ARHGAP32: variants seen among roughly 807,000 people sequenced by gnomAD.
The protein encoded by ARHGAP32 is rho GTPase-activating protein 32.
Under a neutral mutation model 186.5 loss-of-function variants are expected in ARHGAP32, and 51 were observed. That is an observed-to-expected ratio of 0.27 (90% confidence interval 0.22 to 0.35). The LOEUF (loss-of-function observed/expected upper bound fraction) is 0.35. ARHGAP32 is among the 10% of genes least tolerant of loss of function. The probability of loss-of-function intolerance (pLI) is 1.00; values close to 1 mark genes in which losing one functional copy is unlikely to be tolerated. For synonymous variants in ARHGAP32, 950 were observed against 964.3 expected, an observed-to-expected ratio of 0.99 and a Z score of 0.27; for missense variants, 2,186 against 2,623.5, an observed-to-expected ratio of 0.83 and a Z score of 3.64.
At chr11:129,252,986 G>C (rs1049786115) in intron 1 of ARHGAP32, among the ~76,000 whole-genome samples, 6 of 152,156 alleles carry the variant, frequency 3.9e-5, no homozygotes, top group African/African-American at 1.4e-4. Context: ...GTTAGGTTTT[G>C]GCCAAACAGA....
intron 2 of ARHGAP32, among the ~76,000 whole-genome samples, chr11:129,139,781 T>C (rs1025267776): frequency 1.3e-5 from 2 of 152,088 alleles, no homozygotes; most frequent in African/African-American, 2.4e-5. Flanking sequence ...CTCTTTTTCT[T>C]CCCAGTCTCG....
chr11:129,043,473 G>A (rs1278822525), intron 10 of ARHGAP32, among the ~76,000 whole-genome samples: 2 of 135,656 alleles, frequency 1.5e-5, no homozygotes, highest in African/African-American at 2.7e-5. Context: ...TGTAACCTCC[G>A]CCTCCCAGGT....
At chr11:129,156,897 T>C (rs1380546580) in intron 2 of ARHGAP32, among the ~76,000 whole-genome samples, 1 of 152,148 alleles carries the variant, frequency 6.6e-6, no homozygotes, top group Non-Finnish European at 1.5e-5. Flanking sequence ...CAGCAAACTT[T>C]GCTGTTCTGC....
intron 1 of ARHGAP32, among the ~76,000 whole-genome samples, chr11:129,211,666 C>T (rs543292943): frequency 1.3e-5 from 2 of 152,162 alleles, no homozygotes; most frequent in East Asian, 3.9e-4. Context: ...GTTCCCCTGC[C>T]CTCACACAGA....
intron 1 of ARHGAP32, among the ~76,000 whole-genome samples, chr11:129,271,421 T>C (rs1945471119): frequency 6.6e-6 from 1 of 152,046 alleles, no homozygotes; most frequent in Non-Finnish European, 1.5e-5. Context: ...AAGTGGTGGA[T>C]GATGATGCCA....
intron 1 of ARHGAP32, among the ~76,000 whole-genome samples, chr11:129,173,045 C>T (rs1591670667): frequency 6.9e-6 from 1 of 143,914 alleles, no homozygotes; most frequent in African/African-American, 2.6e-5. Context: ...AACAAACAAA[C>T]AAACAAACAA....
intron 2 of ARHGAP32, among the ~76,000 whole-genome samples, chr11:129,139,793 A>G (rs111583392): frequency 2.7e-3 from 411 of 152,288 alleles, no homozygotes; most frequent in African/African-American, 9.4e-3. Flanking sequence ...CCAGTCTCGA[A>G]TATGTCTTTA....
intron 1 of ARHGAP32, among the ~76,000 whole-genome samples, chr11:129,254,805 A>G (rs934758382): frequency 5.3e-5 from 8 of 152,122 alleles, no homozygotes; most frequent in Non-Finnish European, 7.4e-5. Flanking sequence ...TGAACTAGAT[A>G]TTTTACTACT....
At chr11:129,136,133 A>G (rs936035958) in intron 2 of ARHGAP32, among the ~76,000 whole-genome samples, 1 of 152,194 alleles carries the variant, frequency 6.6e-6, no homozygotes, top group Non-Finnish European at 1.5e-5. Flanking sequence ...CTAAAAAAAG[A>G]CAACCTAACA....
At chr11:129,153,743 G>A (rs1482711464) in intron 2 of ARHGAP32, among the ~76,000 whole-genome samples, 2 of 152,074 alleles carry the variant, frequency 1.3e-5, no homozygotes, top group Admixed American at 6.5e-5. Context: ...AGTCAAGATG[G>A]ATCAGACTTA....
intron 5 of ARHGAP32, among the ~76,000 whole-genome samples, chr11:129,119,105 C>G (rs1288419205): frequency 6.6e-6 from 1 of 151,990 alleles, no homozygotes; most frequent in African/African-American, 2.4e-5. Flanking sequence ...TCCACCTTAT[C>G]ACAACCTCAA....
intron 1 of ARHGAP32, among the ~76,000 whole-genome samples, chr11:129,228,062 G>A (rs1237658072): frequency 1.3e-5 from 2 of 152,070 alleles, no homozygotes; most frequent in Non-Finnish European, 2.9e-5. Context: ...CAAAATTAGA[G>A]ATTAATAACA....
rs1460777172 is a variant in ARHGAP32, at chr11:128,970,644, G to A, written c.4569C>T (p.Pro1523=). The part of the protein sequence containing the change: ...NCQYRPQSVP[P]HHNKLEQHQV... Reference sequence around the variant, plus strand: ...GGTGCTGCTCCAATTTATTGTGATGGGGAGGTACACTCTGGGGACGGTACT... The same window carrying A: ...GGTGCTGCTCCAATTTATTGTGATGAGGAGGTACACTCTGGGGACGGTACT... The change falls in exon 23 of 23, where the codon CCC becomes CCT. Residue 1523 remains proline, a synonymous_variant. Transcript: ENST00000682385. The surrounding 1 kb of genome is among the most constrained non-coding windows in gnomAD (Gnocchi z 5.8). 3 of 1,614,182 alleles carry A rather than the reference G, an allele frequency of 1.9e-6. No homozygotes were observed. Among genetic ancestry groups the A allele is most frequent in the Non-Finnish European group, 8.5e-7 (1 of 1,180,028 alleles).
At chr11:129,063,635 G>A (rs1032953300) in intron 9 of ARHGAP32, among the ~76,000 whole-genome samples, 1 of 148,340 alleles carries the variant, frequency 6.7e-6, no homozygotes, top group East Asian at 1.9e-4. Context: ...TTCAGGTTTT[G>A]GGGGGTATGT....
chr11:129,090,870 C>T (rs1941557357), intron 6 of ARHGAP32, among the ~76,000 whole-genome samples: 1 of 152,116 alleles, frequency 6.6e-6, no homozygotes. Flanking sequence ...TTTATATCTA[C>T]TGTGACATAT....
chr11:128,969,380 C>G lies in ARHGAP32; in HGVS notation c.5833G>C (p.Gly1945Arg), dbSNP rs749241740. ...TGGTTCAGTCTTAAAGATTCTTGCC[C>G]GGATGCAGCATATTTTACTCCAGAG... is the stretch of plus-strand genomic sequence containing the variant. ...HNSGVKYAAS[G>R]QESLRLNHKE... The change falls in exon 23 of 23, where the codon GGG becomes CGG. Residue 1945 changes from glycine (G) to arginine (R), a missense_variant. This residue lies in a region of ARHGAP32 where 1,502 missense variants were observed against 1,570.0 expected (regional missense o/e 0.96). Transcript: ENST00000682385. The surrounding 1 kb of genome is among the most constrained non-coding windows in gnomAD (Gnocchi z 4.8). The G allele has an allele frequency of 8.7e-6, 14 of 1,614,168 alleles. No homozygotes were observed. In the South Asian group the frequency reaches 1.4e-4, roughly 16 times the overall value.
chr11:129,024,564 A>G (rs1938747963), intron 11 of ARHGAP32, among the ~76,000 whole-genome samples: 3 of 152,242 alleles, frequency 2.0e-5, no homozygotes, highest in Admixed American at 6.5e-5. Flanking sequence ...TTCTACTAAC[A>G]CATTTTTTTA....
intron 11 of ARHGAP32, among the ~76,000 whole-genome samples, chr11:129,022,259 C>T (rs1395785304): frequency 6.6e-6 from 1 of 152,056 alleles, no homozygotes; most frequent in Non-Finnish European, 1.5e-5. Flanking sequence ...AAATTTTTGT[C>T]AGATTAAATT....
At chr11:129,041,771 A>G (rs1939602445) in intron 10 of ARHGAP32, among the ~76,000 whole-genome samples, 1 of 152,240 alleles carries the variant, frequency 6.6e-6, no homozygotes, top group Admixed American at 6.5e-5. Context: ...TGTATAGCCA[A>G]AAGGATAAAT....
Sources: allele counts gnomAD v4.1 joint callset (sites outside exome capture counted in the v4.1 genomes callset), GRCh38; gene constraint gnomAD v4.1.1; regional missense constraint gnomAD v4.1.1; non-coding constraint Gnocchi (gnomAD v3.1); transcripts MANE v1.5; gene names NCBI Gene and HGNC (gene_info 2026-07-23, HGNC 2026-07-21).